CDK19: variants seen among roughly 807,000 people sequenced by gnomAD.
CDK19 encodes cyclin dependent kinase 19.
CDK19 carries 20 observed loss-of-function variants against 68.3 expected under a neutral mutation model. The ratio of observed to expected loss-of-function variants is 0.29; its 90% confidence interval spans 0.21 to 0.43. CDK19 has a LOEUF of 0.43. Ranked by LOEUF, CDK19 falls within the 20% of genes least tolerant of loss-of-function variation. The pLI is 1.00. For synonymous variants in CDK19, 221 were observed against 222.8 expected (o/e 0.99, Z 0.07); for missense variants, 339 against 623.5 (o/e 0.54, Z 4.86).
intron 2 of CDK19, among the ~76,000 whole-genome samples, chr6:110,717,868 A>C (rs1399138363): frequency 6.6e-6 from 1 of 151,928 alleles, no homozygotes; most frequent in Non-Finnish European, 1.5e-5. Context: ...TGCCCAGCTA[A>C]TTTTGCATTT....
chr6:110,788,004 T>G (rs1781351705), intron 1 of CDK19, among the ~76,000 whole-genome samples: 1 of 152,054 alleles, frequency 6.6e-6, no homozygotes. Flanking sequence ...CATACCTGGC[T>G]AATTTTTGTA....
chr6:110,727,643 C>T (rs991202210), intron 2 of CDK19, among the ~76,000 whole-genome samples: 3 of 151,714 alleles, frequency 2.0e-5, no homozygotes, highest in Non-Finnish European at 4.4e-5. Context: ...TGTCTGCCCT[C>T]TCCATCTTAG....
chr6:110,791,343 C>T (rs35827650), intron 1 of CDK19, among the ~76,000 whole-genome samples: 1,713 of 151,680 alleles, frequency 0.011, 13 homozygotes, highest in Middle Eastern at 0.021. Context: ...AGATTTTTAC[C>T]CATACTCACA....
In CDK19 at chr6:110,709,381, G is replaced by T. The variant is rs1056214257; in HGVS notation, c.204+36745C>A. On this transcript the variant is annotated intron_variant, in intron 2 of 12. Transcript: ENST00000368911. ...AGGGGTGGAGGGCTGGGGGAGGGATGGCATTAGGAGAAATACCTAATGTAG... is the reference window on the plus strand; with the variant it reads ...AGGGGTGGAGGGCTGGGGGAGGGATTGCATTAGGAGAAATACCTAATGTAG... Among the ~76,000 whole-genome samples, 8 of 151,976 alleles carry T rather than the reference G, an allele frequency of 5.3e-5. No homozygotes were observed. In the East Asian group the frequency reaches 1.5e-3, roughly 29 times the overall value.
intron 2 of CDK19, among the ~76,000 whole-genome samples, chr6:110,692,292 CAA>C (rs752992540): frequency 1.4e-4 from 12 of 83,384 alleles, no homozygotes; most frequent in Admixed American, 2.6e-4. Flanking sequence ...GACTCCGTCT[CAA>C]AAAAAAAAAA....
At chr6:110,731,926 A>T (rs1022759665) in intron 2 of CDK19, among the ~76,000 whole-genome samples, 1 of 152,202 alleles carries the variant, frequency 6.6e-6, no homozygotes, top group Non-Finnish European at 1.5e-5. Context: ...AATAATTTAC[A>T]CAATAATAAT....
chr6:110,752,251 G>C (rs1778520323), intron 1 of CDK19, among the ~76,000 whole-genome samples: 1 of 152,072 alleles, frequency 6.6e-6, no homozygotes, highest in African/African-American at 2.4e-5. Context: ...CAGTAATGCT[G>C]CATGTACCCA....
chr6:110,705,190 G>A (rs186740723), intron 2 of CDK19, among the ~76,000 whole-genome samples: 48 of 152,106 alleles, frequency 3.2e-4, no homozygotes, highest in Admixed American at 1.3e-3. Context: ...ACAGGCATGC[G>A]CCACCACGCC....
At chr6:110,625,671 T>A (rs1049519766) in intron 8 of CDK19, among the ~76,000 whole-genome samples, 1 of 152,034 alleles carries the variant, frequency 6.6e-6, no homozygotes, top group African/African-American at 2.4e-5. Context: ...GATGGTAAAT[T>A]GTGGCCATCA....
chr6:110,678,650 T>C lies in CDK19; in HGVS notation c.205-8109A>G, dbSNP rs188463349. On this transcript the variant is annotated intron_variant, in intron 2 of 12. Coordinates refer to ENST00000368911, the MANE Select transcript of CDK19 (RefSeq NM_015076.5). ...ACTCTATATCCCTTATCTACAATTC[T>C]AAAGAAACTGTAGAAAATCAAAAGC... Among the ~76,000 whole-genome samples the C allele has an allele frequency of 2.5e-3, 380 of 152,296 alleles. 1 individual carries two copies. The highest frequency in any genetic ancestry group is 8.9e-3 in the African/African-American group (372 of 41,566).
At chr6:110,772,560 A>G (rs1320711393) in intron 1 of CDK19, among the ~76,000 whole-genome samples, 1 of 152,210 alleles carries the variant, frequency 6.6e-6, no homozygotes. Flanking sequence ...ATTCCCATTC[A>G]GAATCTATCT....
At chr6:110,686,595 AAAT>A (rs1772509664) in intron 2 of CDK19, among the ~76,000 whole-genome samples, 1 of 152,236 alleles carries the variant, frequency 6.6e-6, no homozygotes, top group Non-Finnish European at 1.5e-5. Flanking sequence ...TTAGATGAGT[AAAT>A]GAAAGTAACA....
intron 2 of CDK19, among the ~76,000 whole-genome samples, chr6:110,681,622 A>G (rs1378962706): frequency 6.6e-6 from 1 of 152,178 alleles, no homozygotes; most frequent in Non-Finnish European, 1.5e-5. Context: ...CCATACTTGT[A>G]CTTTCCCCAT....
At chr6:110,730,685 A>G (rs1335756177) in intron 2 of CDK19, among the ~76,000 whole-genome samples, 1 of 152,242 alleles carries the variant, frequency 6.6e-6, no homozygotes, top group African/African-American at 2.4e-5. Context: ...CTTCTGAGGC[A>G]TCTTTGAACC....
At chr6:110,798,051 T>C (rs1782073016) in intron 1 of CDK19, among the ~76,000 whole-genome samples, 1 of 150,808 alleles carries the variant, frequency 6.6e-6, no homozygotes, top group Admixed American at 6.6e-5. Context: ...TGTGCATTAA[T>C]TCAGTTATAG....
rs397885772 is a variant in CDK19, at chr6:110,711,087, G to GA, written c.204+35038dup. ...TGTAATAAATGAGTTATTTTATGGA[G>GA]AAAAAAAATTCAAGTACACGAAAAA... On this transcript the variant is annotated intron_variant, in intron 2 of 12. Transcript: ENST00000368911. Among the ~76,000 whole-genome samples the GA allele has an allele frequency of 3.3e-3, 495 of 151,676 alleles. 2 individuals are homozygous for GA. Among genetic ancestry groups the GA allele is most frequent in the African/African-American group, 0.011 (460 of 41,376 alleles).
intron 3 of CDK19, among the ~76,000 whole-genome samples, chr6:110,669,914 T>G (rs1770855722): frequency 1.3e-5 from 2 of 152,072 alleles, no homozygotes; most frequent in African/African-American, 4.8e-5. Context: ...TTCCAGCACT[T>G]TGGGAGGCCG....
At chr6:110,752,727 T>C (rs552467686) in intron 1 of CDK19, among the ~76,000 whole-genome samples, 39 of 152,262 alleles carry the variant, frequency 2.6e-4, no homozygotes, top group Middle Eastern at 3.4e-3. Context: ...CTACCTTTAT[T>C]TACTCCTGTT....
intron 1 of CDK19, among the ~76,000 whole-genome samples, chr6:110,757,840 G>A (rs9374200): frequency 0.29 from 43,558 of 152,002 alleles, 6,939 homozygotes; most frequent in East Asian, 0.68. Context: ...TGCTTTTACA[G>A]AACTTTTCTT....
Sources: allele counts gnomAD v4.1 joint callset (sites outside exome capture counted in the v4.1 genomes callset), GRCh38; gene constraint gnomAD v4.1.1; transcripts MANE v1.5; gene names NCBI Gene and HGNC (gene_info 2026-07-23, HGNC 2026-07-21).